Variants in CTNNA3 observed in about 807,000 individuals in gnomAD.
CTNNA3 encodes the protein catenin alpha 3.
A neutral mutation model predicts 95.7 loss-of-function variants in CTNNA3; 76 were observed. That is an observed-to-expected ratio of 0.79 (90% CI 0.66 to 0.96). CTNNA3 has a LOEUF of 0.96. Ranked by LOEUF, CTNNA3 falls within the 40% of genes least tolerant of loss-of-function variation. The probability of loss-of-function intolerance (pLI) is 0.00; values close to 1 mark genes in which losing one functional copy is unlikely to be tolerated. For synonymous variants in CTNNA3, 431 were observed against 374.4 expected, an observed-to-expected ratio of 1.15 and a Z score of -1.74; for missense variants, 1,191 against 1,089.8, an observed-to-expected ratio of 1.09 and a Z score of -1.31.
intron 13 of CTNNA3, among the ~76,000 whole-genome samples, chr10:66,149,125 A>C (rs1045860291): frequency 6.7e-6 from 1 of 149,530 alleles, no homozygotes; most frequent in Non-Finnish European, 1.5e-5. Flanking sequence ...CTAAATATGA[A>C]TAAATGCATA....
chr10:66,360,609 T>TTCTTTC (rs1554944294), intron 12 of CTNNA3, among the ~76,000 whole-genome samples: 609 of 22,188 alleles, frequency 0.027, 2 homozygotes, highest in South Asian at 0.066. Flanking sequence ...CTTTCTTTCT[T>TTCTTTC]TCTTTCTTTC....
At chr10:66,195,309 A>C (rs1383892411) in intron 13 of CTNNA3, among the ~76,000 whole-genome samples, 1 of 152,176 alleles carries the variant, frequency 6.6e-6, no homozygotes, top group Non-Finnish European at 1.5e-5. Flanking sequence ...CTAAAATGCA[A>C]TCTTACAGCT....
chr10:67,310,084 C>G (rs1840723370), intron 5 of CTNNA3, among the ~76,000 whole-genome samples: 1 of 152,064 alleles, frequency 6.6e-6, no homozygotes, highest in Admixed American at 6.6e-5. Flanking sequence ...TTGCACAGTT[C>G]AGAGTGATAG....
At chr10:67,353,101 A>G (rs182277905) in intron 5 of CTNNA3, among the ~76,000 whole-genome samples, 55 of 152,148 alleles carry the variant, frequency 3.6e-4, no homozygotes, top group Middle Eastern at 3.4e-3. Flanking sequence ...GCCACTTACT[A>G]GCTCTGTAGC....
intron 7 of CTNNA3, among the ~76,000 whole-genome samples, chr10:67,087,338 A>G (rs1279026869): frequency 1.3e-5 from 2 of 152,014 alleles, no homozygotes; most frequent in Non-Finnish European, 2.9e-5. Flanking sequence ...GCTTCTAGGA[A>G]GCACTAAAGA....
At chr10:66,360,809 C>CT (rs752215467) in intron 12 of CTNNA3, among the ~76,000 whole-genome samples, 1,425 of 70,056 alleles carry the variant, frequency 0.02, 58 homozygotes, top group East Asian at 0.081. Context: ...TCCTTCCTTC[C>CT]TTCCTTCCTT....
intron 5 of CTNNA3, among the ~76,000 whole-genome samples, chr10:67,456,309 C>T (rs1847170943): frequency 6.6e-6 from 1 of 152,082 alleles, no homozygotes; most frequent in African/African-American, 2.4e-5. Context: ...TATGTTAGTC[C>T]ATTTAGTACA....
At chr10:66,594,843 G>A (rs1257806018) in intron 10 of CTNNA3, among the ~76,000 whole-genome samples, 2 of 151,984 alleles carry the variant, frequency 1.3e-5, no homozygotes, top group African/African-American at 4.8e-5. Context: ...AGAATCTTTT[G>A]TACTTCACTT....
rs116585488 is a variant in CTNNA3 at position 66,945,782 on chromosome 10, G to T, written c.1048-170258C>A. On this transcript the variant is annotated intron_variant, in intron 7 of 17. Transcript: ENST00000433211. ...ACTTGAACACTTAGAGACCACTGTA[G>T]GGTTATTAATGGGTGAAATTTCAAC... 5.6e-3 allele frequency among the ~76,000 whole-genome samples: 848 copies of T among 152,212 alleles called. 9 individuals are homozygous for T. Among genetic ancestry groups the T allele is most frequent in the African/African-American group, 0.019 (803 of 41,550 alleles).
At chr10:67,729,668 A>G (rs895561359) in intron 1 of CTNNA3, among the ~76,000 whole-genome samples, 1 of 152,162 alleles carries the variant, frequency 6.6e-6, no homozygotes. Flanking sequence ...TTACTAATAT[A>G]TAAAGACCAA....
chr10:66,715,138 G>A (rs747249625), intron 9 of CTNNA3, among the ~76,000 whole-genome samples: 7 of 152,004 alleles, frequency 4.6e-5, no homozygotes, highest in Non-Finnish European at 8.8e-5. Context: ...ATTTCTGAGG[G>A]CTAATTTCAA....
intron 1 of CTNNA3, among the ~76,000 whole-genome samples, chr10:67,752,159 C>T (rs570552412): frequency 5.6e-4 from 85 of 152,174 alleles, no homozygotes; most frequent in Non-Finnish European, 1.0e-3. Flanking sequence ...GAATTCAAGG[C>T]TGGTTCAACA....
chr10:66,253,901 G>A (rs2090657608), intron 13 of CTNNA3, among the ~76,000 whole-genome samples: 1 of 152,130 alleles, frequency 6.6e-6, no homozygotes, highest in Non-Finnish European at 1.5e-5. Context: ...TCTGATGGTT[G>A]CAAGAGGAAA....
At chr10:66,863,098 A>G (rs1844008250) in intron 7 of CTNNA3, among the ~76,000 whole-genome samples, 1 of 151,552 alleles carries the variant, frequency 6.6e-6, no homozygotes, top group South Asian at 2.1e-4. Context: ...GAAGGACATC[A>G]TTGACTTTCT....
At chr10:66,415,373 C>A (rs1021089037) in intron 11 of CTNNA3, among the ~76,000 whole-genome samples, 1 of 152,106 alleles carries the variant, frequency 6.6e-6, no homozygotes, top group Non-Finnish European at 1.5e-5. Context: ...TGGACACTGA[C>A]CTTCCCAGAA....
chr10:66,076,265 C>G (rs1294243378), intron 14 of CTNNA3, among the ~76,000 whole-genome samples: 1 of 151,420 alleles, frequency 6.6e-6, no homozygotes, highest in Non-Finnish European at 1.5e-5. Flanking sequence ...GTATAAATAG[C>G]ATAGAACACT....
chr10:67,147,525 A>G (rs1332961649), intron 7 of CTNNA3, among the ~76,000 whole-genome samples: 1 of 152,250 alleles, frequency 6.6e-6, no homozygotes, highest in Non-Finnish European at 1.5e-5. Flanking sequence ...AGCTCTTCAA[A>G]TAGCCTGCTA....
intron 13 of CTNNA3, among the ~76,000 whole-genome samples, chr10:66,244,082 G>T (rs1183158199): frequency 6.6e-6 from 1 of 152,192 alleles, no homozygotes; most frequent in African/African-American, 2.4e-5. Context: ...GAGCCCTTGG[G>T]TCTTAAATGA....
intron 14 of CTNNA3, among the ~76,000 whole-genome samples, chr10:66,082,529 G>A (rs2080805050): frequency 6.6e-6 from 1 of 152,068 alleles, no homozygotes; most frequent in Non-Finnish European, 1.5e-5. Flanking sequence ...AACAGAAAAA[G>A]AATATAGGTG....
Sources: allele counts gnomAD v4.1 joint callset (sites outside exome capture counted in the v4.1 genomes callset), GRCh38; gene constraint gnomAD v4.1.1; transcripts MANE v1.5; gene names NCBI Gene and HGNC (gene_info 2026-07-23, HGNC 2026-07-21).